Variants in NDUFB5 observed in about 807,000 individuals in gnomAD.
NDUFB5 encodes the protein NADH:ubiquinone oxidoreductase subunit B5.
A neutral mutation model predicts 19.4 loss-of-function variants in NDUFB5; 19 were observed. The ratio of observed to expected loss-of-function variants is 0.98; its 90% CI spans 0.68 to 1.43. The LOEUF (loss-of-function observed/expected upper bound fraction) is 1.43. NDUFB5 is among the 40% of genes most tolerant of loss of function. NDUFB5 has a pLI of 0.00. For missense variants in NDUFB5, 233 were observed against 236.5 expected (o/e 0.99, Z 0.10); for synonymous variants, 80 against 82.6 (o/e 0.97, Z 0.17).
intron 1 of NDUFB5, among the ~76,000 whole-genome samples, chr3:179,605,390 C>G (rs901253867): frequency 1.3e-5 from 2 of 152,254 alleles, no homozygotes; most frequent in Non-Finnish European, 1.5e-5. Flanking sequence ...ATTCTTTAGG[C>G]ACAGTAAGTA....
chr3:179,621,261 A>G (rs1343534779), intron 5 of NDUFB5, among the ~76,000 whole-genome samples: 2 of 151,942 alleles, frequency 1.3e-5, no homozygotes, highest in Non-Finnish European at 2.9e-5. Context: ...TATTTTTTGT[A>G]AAGACATAGT....
rs754501558 is a variant in NDUFB5 at position 179,604,842 on chromosome 3, G to T, written c.27G>T (p.Arg9=). The T allele has an allele frequency of 3.7e-6, 6 of 1,605,606 alleles. No homozygotes were observed. The highest frequency in any genetic ancestry group is 4.5e-5 in the East Asian group (2 of 44,816). MAAMSLLR[R]VSVTAVAALS... Reference sequence around the variant, plus strand: ...TGGCGGCCATGAGTTTGTTGCGGCGGGTTTCGGTTACTGCGGTGGCAGCTC... The same window carrying T: ...TGGCGGCCATGAGTTTGTTGCGGCGTGTTTCGGTTACTGCGGTGGCAGCTC... Residue 9 remains arginine (R), a synonymous_variant, in exon 1 of 6, where the codon CGG becomes CGT. Transcript: ENST00000259037.
At chr3:179,614,034 A>G (rs1719314217) in intron 1 of NDUFB5, among the ~76,000 whole-genome samples, 1 of 152,200 alleles carries the variant, frequency 6.6e-6, no homozygotes, top group South Asian at 2.1e-4. Flanking sequence ...TTAATGGGAA[A>G]TTAAAGTTTT....
rs531098525 is a variant in NDUFB5 at position 179,624,136 on chromosome 3, G to C, written c.*96G>C. ...TTTGCTCTCCGTGAAAAACAAAAGA[G>C]CCTCTGACATTACTGTCTCTCAGTG... On this transcript the variant is annotated 3_prime_UTR_variant, in exon 6 of 6. Coordinates refer to ENST00000259037, the MANE Select transcript of NDUFB5 (RefSeq NM_002492.4). 8.7e-7 allele frequency: 1 copy of C among 1,145,640 alleles called. No homozygotes were observed. Among genetic ancestry groups the C allele is most frequent in the East Asian group, 2.7e-5 (1 of 36,698 alleles). The allele number at this position is 1,145,640 out of a possible 1,614,324, so 71.0% of individuals were successfully genotyped here. A position where few individuals can be genotyped will look rare whatever the true frequency, so the allele number is the denominator to read the frequency against.
intron 2 of NDUFB5, chr3:179,615,492 C>G (rs1028125890): frequency 9.5e-6 from 4 of 422,608 alleles, no homozygotes; most frequent in Non-Finnish European, 1.5e-5. Context: ...ATAGTGCAAT[C>G]TTAATTTAGC....
At chr3:179,618,253 ATCCACC>A in intron 4 of NDUFB5, 156 bp from the exon 5 acceptor site, 1 of 495,454 alleles carries the variant, frequency 2.0e-6, no homozygotes, top group Non-Finnish European at 3.5e-6. Context: ...CAAAAATAGT[ATCCACC>A]TCATCTGTTA....
Position 179,618,414 on chromosome 3 carries a change from G to A in NDUFB5, c.343-1G>A, listed in dbSNP as rs772411834. 1 of 1,587,824 alleles carries A rather than the reference G, an allele frequency of 6.3e-7. No homozygotes were observed. Among genetic ancestry groups the A allele is most frequent in the Non-Finnish European group, 8.6e-7 (1 of 1,164,812 alleles). ...AATATTAAACGAATTTTCTCTTGTAGCATCCCATATCAAGATGGATTGCCC... is the reference window on the plus strand; with the variant it reads ...AATATTAAACGAATTTTCTCTTGTAACATCCCATATCAAGATGGATTGCCC... On this transcript the variant is annotated splice_acceptor_variant, in intron 4 of 5. Transcript: ENST00000259037. LOFTEE classifies it high-confidence loss of function.
intron 5 of NDUFB5, among the ~76,000 whole-genome samples, chr3:179,623,656 C>T (rs558841798): frequency 3.3e-5 from 5 of 152,098 alleles, no homozygotes; most frequent in East Asian, 3.9e-4. Flanking sequence ...CCTGGGCAAC[C>T]GTGCAAGACT....
At position 179,615,015 on chromosome 3, in the gene NDUFB5, A is replaced by G; in HGVS notation, c.169A>G (p.Ile57Val). 1 of 1,609,996 alleles carries G rather than the reference A, an allele frequency of 6.2e-7. No individual in the cohort carries two copies. ...AGACCATGGGAAAAGACTATTTGTCATCAGACCTTCTAGATTCTATGACAG... is the reference window on the plus strand; with the variant it reads ...AGACCATGGGAAAAGACTATTTGTCGTCAGACCTTCTAGATTCTATGACAG... ...SGDHGKRLFVIRPSRFYDRRF... is the reference protein window; with the variant it reads ...SGDHGKRLFVVRPSRFYDRRF... The change falls in exon 2 of 6, where the codon ATC becomes GTC. Residue 57 changes from isoleucine (I) to valine (V), a missense_variant. Ile to Val is a conservative substitution (Grantham distance 29). Coordinates refer to ENST00000259037, the MANE Select transcript of NDUFB5 (RefSeq NM_002492.4).
chr3:179,612,021 C>G (rs1292801278), intron 1 of NDUFB5, among the ~76,000 whole-genome samples: 1 of 150,362 alleles, frequency 6.7e-6, no homozygotes, highest in Non-Finnish European at 1.5e-5. Flanking sequence ...AGCTATGTTG[C>G]TCAGGCTGAC....
chr3:179,626,010 G>T lies in NDUFB5; in HGVS notation c.*1970G>T, dbSNP rs946662766. On this transcript the variant is annotated 3_prime_UTR_variant, in exon 6 of 6. Coordinates refer to ENST00000259037, the MANE Select transcript of NDUFB5 (RefSeq NM_002492.4). ...TGTAGTTTCTTGAGGAACCTTCATGGTGTTCTTCATAGTGGTTGTACTACT... is the reference window on the plus strand; with the variant it reads ...TGTAGTTTCTTGAGGAACCTTCATGTTGTTCTTCATAGTGGTTGTACTACT... The T allele has an allele frequency of 6.6e-6, 1 of 152,160 alleles. No homozygotes were observed. The highest frequency in any genetic ancestry group is 6.5e-5 in the Admixed American group (1 of 15,268). 9.4% of individuals were successfully genotyped at this position (152,160 alleles called of 1,614,324 possible).
intron 5 of NDUFB5, among the ~76,000 whole-genome samples, chr3:179,619,196 GTTT>G (rs63194561): frequency 1.3e-3 from 157 of 123,806 alleles, no homozygotes; most frequent in African/African-American, 4.3e-3. Context: ...CTGAGTGCCT[GTTT>G]TTTTTTTTTT....
intron 1 of NDUFB5, among the ~76,000 whole-genome samples, chr3:179,613,269 T>C (rs932267202): frequency 3.9e-5 from 6 of 152,126 alleles, no homozygotes; most frequent in African/African-American, 1.4e-4. Flanking sequence ...TTGCTTACAG[T>C]CAATCAAGTA....
At chr3:179,605,091 AG>A (rs1185453457) in intron 1 of NDUFB5, 152 bp downstream of exon 1, 24 of 1,197,812 alleles carry the variant, frequency 2.0e-5, no homozygotes, top group Non-Finnish European at 2.7e-5. Flanking sequence ...GAGCTATATG[AG>A]GGGTTTTCCT....
chr3:179,613,951 G>A (rs1198536501), intron 1 of NDUFB5, among the ~76,000 whole-genome samples: 1 of 151,912 alleles, frequency 6.6e-6, no homozygotes, highest in Non-Finnish European at 1.5e-5. Flanking sequence ...TCAGGAGAGG[G>A]GACAGCATTC....
chr3:179,618,626 T>C, intron 5 of NDUFB5, 105 bp downstream of exon 5: 1 of 749,502 alleles, frequency 1.3e-6, no homozygotes, highest in Non-Finnish European at 2.2e-6. Flanking sequence ...TAGGATACTT[T>C]ATGTAAAAGG....
At chr3:179,610,510 GC>G (rs373113906) in intron 1 of NDUFB5, among the ~76,000 whole-genome samples, 158 of 152,262 alleles carry the variant, frequency 1.0e-3, no homozygotes, top group African/African-American at 3.6e-3. Flanking sequence ...TCTGTGGGTT[GC>G]CTTTTTACTC....
Position 179,625,633 on chromosome 3 carries a change from T to C in NDUFB5, c.*1593T>C, listed in dbSNP as rs1719651379. The stretch of plus-strand genomic sequence containing the variant: ...ATAATTTACCTACTGTACTATCAAA[T>C]ACTAGAACTTATTCCTTGTATCTAA... On this transcript the variant is annotated 3_prime_UTR_variant, in exon 6 of 6. Transcript: ENST00000259037. 6.6e-6 allele frequency: 1 copy of C among 151,236 alleles called. No individual in the cohort carries two copies. The highest frequency in any genetic ancestry group is 2.5e-5 in the African/African-American group (1 of 40,706). The allele number at this position is 151,236 out of a possible 1,614,324, so 9.4% of individuals were successfully genotyped here. A position where few individuals can be genotyped will look rare whatever the true frequency, so the allele number is the denominator to read the frequency against.
In NDUFB5 at chr3:179,614,967, C is replaced by T. The variant is rs572772756; in HGVS notation, c.125-4C>T. 155 of 1,599,142 alleles carry T rather than the reference C, an allele frequency of 9.7e-5. No individual in the cohort carries two copies. In the South Asian group the frequency reaches 1.7e-3, roughly 17 times the overall value. On this transcript the variant is annotated splice_polypyrimidine_tract_variant and splice_region_variant and intron_variant, in intron 1 of 5. Coordinates refer to ENST00000259037, the MANE Select transcript of NDUFB5 (RefSeq NM_002492.4). ...TATAAAACAGGGTAATTCAATATTC[C>T]CAGCTCCTGTTCGACACAGTGGAGA...
Sources: gnomAD v4.1 joint callset for allele counts (sites outside exome capture counted in the v4.1 genomes callset) on GRCh38, gnomAD v4.1.1 for gene constraint, MANE v1.5 for transcripts, NCBI Gene and HGNC (gene_info 2026-07-23, HGNC 2026-07-21) for gene names.